Variants in CNTN5 observed in about 807,000 individuals in gnomAD.
The protein encoded by CNTN5 is contactin 5.
CNTN5 carries 77 observed loss-of-function variants against 129.1 expected under a neutral mutation model. The ratio of observed to expected loss-of-function variants is 0.60; its 90% CI spans 0.50 to 0.72. The LOEUF (loss-of-function observed/expected upper bound fraction) is 0.72, where lower values mean the gene tolerates loss of function less well. Among genes scored for constraint, CNTN5 ranks in the 30% least tolerant of loss-of-function variants. The pLI is 0.00. For synonymous variants in CNTN5, 509 were observed against 465.6 expected, an observed-to-expected ratio of 1.09 and a Z score of -1.20; for missense variants, 1,478 against 1,328.8, an observed-to-expected ratio of 1.11 and a Z score of -1.75.
intron 1 of CNTN5, among the ~76,000 whole-genome samples, chr11:99,302,237 A>T (rs2135947583): frequency 6.6e-6 from 1 of 151,806 alleles, no homozygotes; most frequent in Middle Eastern, 3.4e-3. Flanking sequence ...GAAAAGTAAG[A>T]AACAGGAAAT....
chr11:99,897,964 T>C (rs1363755862), intron 6 of CNTN5, among the ~76,000 whole-genome samples: 1 of 151,938 alleles, frequency 6.6e-6, no homozygotes, highest in African/African-American at 2.4e-5. Context: ...GTCACACAAA[T>C]TGAAAACAAG....
At chr11:99,553,268 G>A (rs932856872) in intron 2 of CNTN5, among the ~76,000 whole-genome samples, 1 of 152,066 alleles carries the variant, frequency 6.6e-6, no homozygotes, top group Non-Finnish European at 1.5e-5. Context: ...ACAATGCACA[G>A]CAGTTTAATG....
intron 3 of CNTN5, among the ~76,000 whole-genome samples, chr11:99,560,489 C>T (rs994739153): frequency 2.3e-4 from 35 of 151,998 alleles, no homozygotes; most frequent in African/African-American, 8.2e-4. Context: ...GTGGGTTTCA[C>T]CATGTTGGCC....
chr11:99,389,342 T>C (rs1941113450), intron 2 of CNTN5, among the ~76,000 whole-genome samples: 1 of 152,032 alleles, frequency 6.6e-6, no homozygotes, highest in Non-Finnish European at 1.5e-5. Flanking sequence ...GTCCTTATTT[T>C]CTATCCCAGG....
intron 1 of CNTN5, among the ~76,000 whole-genome samples, chr11:99,153,944 A>G (rs962813538): frequency 4.6e-5 from 7 of 151,144 alleles, no homozygotes; most frequent in Admixed American, 1.3e-4. Context: ...CCTGGGCTGC[A>G]TCCTCTAACT....
At chr11:100,112,345 G>A (rs1056844085) in intron 13 of CNTN5, among the ~76,000 whole-genome samples, 5 of 152,090 alleles carry the variant, frequency 3.3e-5, no homozygotes, top group Non-Finnish European at 7.4e-5. Flanking sequence ...CTGAGATTCA[G>A]AGTTTGTTTT....
At chr11:99,452,210 T>C (rs777160335) in intron 2 of CNTN5, among the ~76,000 whole-genome samples, 2 of 151,998 alleles carry the variant, frequency 1.3e-5, no homozygotes, top group Non-Finnish European at 2.9e-5. Flanking sequence ...TAAAATACTG[T>C]ATACAATTGA....
intron 16 of CNTN5, among the ~76,000 whole-genome samples, chr11:100,252,079 G>A (rs1030241777): frequency 4.6e-5 from 7 of 151,958 alleles, no homozygotes; most frequent in Admixed American, 2.0e-4. Flanking sequence ...ACCAACAATC[G>A]TTATTTTTGT....
intron 18 of CNTN5, among the ~76,000 whole-genome samples, chr11:100,295,831 T>C (rs1308700468): frequency 6.6e-6 from 1 of 151,460 alleles, no homozygotes; most frequent in African/African-American, 2.4e-5. Context: ...TCCAATTTAA[T>C]AGACAAAGTA....
intron 18 of CNTN5, among the ~76,000 whole-genome samples, chr11:100,284,084 C>T (rs1407376083): frequency 6.6e-6 from 1 of 152,234 alleles, no homozygotes; most frequent in Non-Finnish European, 1.5e-5. Context: ...CACTCTCCCT[C>T]TCCCAAGCAA....
At chr11:99,608,494 G>A (rs775637115) in intron 3 of CNTN5, among the ~76,000 whole-genome samples, 7 of 152,170 alleles carry the variant, frequency 4.6e-5, no homozygotes, top group African/African-American at 1.4e-4. Context: ...TGTAAAATGA[G>A]TTGATGAGAT....
intron 2 of CNTN5, among the ~76,000 whole-genome samples, chr11:99,332,672 G>A (rs1041446540): frequency 6.6e-6 from 1 of 151,888 alleles, no homozygotes; most frequent in Non-Finnish European, 1.5e-5. Flanking sequence ...TGGCAACCAC[G>A]CCTCTACAAA....
At chr11:99,527,987 T>C (rs550589614) in intron 2 of CNTN5, among the ~76,000 whole-genome samples, 5 of 152,258 alleles carry the variant, frequency 3.3e-5, no homozygotes, top group African/African-American at 1.2e-4. Flanking sequence ...AAGGAAATTT[T>C]TACAAATAAC....
intron 21 of CNTN5, among the ~76,000 whole-genome samples, chr11:100,321,957 T>C (rs1017451645): frequency 6.6e-6 from 1 of 152,186 alleles, no homozygotes; most frequent in African/African-American, 2.4e-5. Flanking sequence ...TCTTGAGGGT[T>C]TTTGCATGTA....
intron 1 of CNTN5, among the ~76,000 whole-genome samples, chr11:99,192,077 C>A (rs961505120): frequency 1.3e-5 from 2 of 151,352 alleles, no homozygotes; most frequent in East Asian, 3.9e-4. Flanking sequence ...ACCACATGAT[C>A]ATCTCAATAG....
intron 1 of CNTN5, among the ~76,000 whole-genome samples, chr11:99,178,156 AAAACAAAC>A (rs144153541): frequency 2.6e-4 from 39 of 151,826 alleles, no homozygotes; most frequent in East Asian, 1.2e-3. Context: ...ACTAGCAACT[AAAACAAAC>A]AAACAAACAA....
At chr11:99,156,834 T>C (rs917549809) in intron 1 of CNTN5, among the ~76,000 whole-genome samples, 3 of 151,982 alleles carry the variant, frequency 2.0e-5, no homozygotes, top group African/African-American at 7.2e-5. Flanking sequence ...TGCACAGTGC[T>C]CAAATATAAT....
intron 2 of CNTN5, among the ~76,000 whole-genome samples, chr11:99,533,914 G>A (rs181078904): frequency 5.9e-4 from 90 of 152,282 alleles, no homozygotes; most frequent in African/African-American, 1.9e-3. Flanking sequence ...AGAAAATTCC[G>A]TGGGTTTGGT....
chr11:99,258,310 A>C (rs972402197), intron 1 of CNTN5, among the ~76,000 whole-genome samples: 8 of 151,840 alleles, frequency 5.3e-5, no homozygotes, highest in African/African-American at 1.9e-4. Context: ...TCCCACCTTC[A>C]AGTGGGCCCC....
Sources: gnomAD v4.1 joint callset for allele counts (sites outside exome capture counted in the v4.1 genomes callset) on GRCh38, gnomAD v4.1.1 for gene constraint, MANE v1.5 for transcripts, NCBI Gene and HGNC (gene_info 2026-07-23, HGNC 2026-07-21) for gene names.